Variants in LDB2 observed in about 807,000 individuals in gnomAD.
LDB2 encodes the protein LIM domain-binding protein 2.
LDB2 carries 12 observed loss-of-function variants against 44.3 expected under a neutral mutation model. That is an observed-to-expected ratio of 0.27 (90% CI 0.17 to 0.44). The LOEUF (loss-of-function observed/expected upper bound fraction) is 0.44, where lower values mean the gene tolerates loss of function less well. Among genes scored for constraint, LDB2 ranks in the 20% least tolerant of loss-of-function variants. The probability of loss-of-function intolerance (pLI) is 1.00; values close to 1 mark genes in which losing one functional copy is unlikely to be tolerated. For synonymous variants in LDB2, 164 were observed against 174.8 expected (o/e 0.94, Z 0.49); for missense variants, 344 against 473.5 (o/e 0.73, Z 2.54).
rs115488390 is a variant in LDB2, at chr4:16,669,978, G to A, written c.236-74103C>T. Among the ~76,000 whole-genome samples, 526 of 152,322 alleles carry A rather than the reference G, an allele frequency of 3.5e-3. 3 individuals are homozygous for A. Among genetic ancestry groups the A allele is most frequent in the African/African-American group, 0.012 (510 of 41,574 alleles). ...GAACATAGCCATGCACATTTATTGA[G>A]AAATAATCCATGGCTGCTTTCGTGC... On this transcript the variant is annotated intron_variant, in intron 2 of 7. Transcript: ENST00000304523.
rs765259393 is a variant in LDB2, at chr4:16,582,065, C to T, written c.615+3857G>A. The stretch of plus-strand genomic sequence containing the variant: ...AGGAAGGAAGGAAAAGAAAGTAAGT[C>T]CCTGCAAAGCATATAGCAGCAATGC... On this transcript the variant is annotated intron_variant, in intron 5 of 7. Coordinates refer to ENST00000304523, the MANE Select transcript of LDB2 (RefSeq NM_001290.5). The surrounding 1 kb of genome is among the most constrained non-coding windows in gnomAD (Gnocchi z 4.8). Among the ~76,000 whole-genome samples, 1 of 150,450 alleles carries T rather than the reference C, an allele frequency of 6.6e-6. No individual in the cohort carries two copies. The highest frequency in any genetic ancestry group is 1.5e-5 in the Non-Finnish European group (1 of 67,584).
intron 2 of LDB2, among the ~76,000 whole-genome samples, chr4:16,700,279 A>G (rs283031): frequency 0.51 from 77,094 of 152,036 alleles, 19,810 homozygotes; most frequent in East Asian, 0.78. Flanking sequence ...CAATTCTAAT[A>G]AATGGTCAAC....
chr4:16,749,055 C>T (rs187518431), intron 2 of LDB2, among the ~76,000 whole-genome samples: 1 of 152,302 alleles, frequency 6.6e-6, no homozygotes, highest in African/African-American at 2.4e-5. Flanking sequence ...GGTGTTTCCA[C>T]TGAAATTATA....
chr4:16,508,879 ACT>A (rs980838748), intron 6 of LDB2, among the ~76,000 whole-genome samples, 193 bp from the exon 7 acceptor site: 4 of 151,926 alleles, frequency 2.6e-5, no homozygotes, highest in African/African-American at 9.7e-5. Flanking sequence ...AATATGTGAC[ACT>A]CTTTTCTTTG....
chr4:16,745,753 G>C (rs139010095), intron 2 of LDB2, among the ~76,000 whole-genome samples: 1 of 152,158 alleles, frequency 6.6e-6, no homozygotes, highest in Non-Finnish European at 1.5e-5. Flanking sequence ...CATTTGCCAC[G>C]AAGAACTAAT....
intron 1 of LDB2, among the ~76,000 whole-genome samples, chr4:16,804,100 A>G (rs1486695772): frequency 2.6e-5 from 4 of 152,138 alleles, no homozygotes. Context: ...ATCCATGTAA[A>G]TGTGTAAATT....
At chr4:16,844,674 C>T (rs896578744) in intron 1 of LDB2, among the ~76,000 whole-genome samples, 2 of 152,092 alleles carry the variant, frequency 1.3e-5, no homozygotes, top group East Asian at 1.9e-4. Context: ...CATCTTGTTT[C>T]GTTTGTTTTG....
chr4:16,824,064 T>A (rs1013800836), intron 1 of LDB2, among the ~76,000 whole-genome samples: 82 of 152,200 alleles, frequency 5.4e-4, no homozygotes, highest in Non-Finnish European at 1.9e-4. Context: ...GGCAGGCAAA[T>A]TTAGGAATAA....
intron 1 of LDB2, among the ~76,000 whole-genome samples, chr4:16,863,765 A>G (rs995857203): frequency 1.4e-5 from 2 of 143,284 alleles, no homozygotes; most frequent in African/African-American, 5.3e-5. Context: ...GGTTCACGCC[A>G]TTCTCCTGCC....
At chr4:16,881,411 T>C (rs1447018314) in intron 1 of LDB2, among the ~76,000 whole-genome samples, 1 of 152,206 alleles carries the variant, frequency 6.6e-6, no homozygotes, top group Admixed American at 6.5e-5. Flanking sequence ...GGACTAGCGA[T>C]TGGTAAGTAC....
intron 1 of LDB2, among the ~76,000 whole-genome samples, chr4:16,833,544 C>T (rs1214918855): frequency 2.0e-3 from 255 of 129,828 alleles, no homozygotes; most frequent in Middle Eastern, 8.3e-3. Context: ...ATCTTTTCCT[C>T]TTTTTTTTTT....
intron 1 of LDB2, among the ~76,000 whole-genome samples, chr4:16,827,805 G>A (rs1030823274): frequency 1.3e-5 from 2 of 152,280 alleles, no homozygotes; most frequent in Admixed American, 6.5e-5. Context: ...AAAGATTCAC[G>A]GAAAAGCCTC....
In LDB2 at chr4:16,691,583, G is replaced by A. The variant is rs16893788; in HGVS notation, c.235+67575C>T. Among the ~76,000 whole-genome samples, 629 of 152,274 alleles carry A rather than the reference G, an allele frequency of 4.1e-3. 5 individuals carry two copies. The highest frequency in any genetic ancestry group is 0.03 in the East Asian group (155 of 5,168). On this transcript the variant is annotated intron_variant, in intron 2 of 7. Coordinates refer to ENST00000304523, the MANE Select transcript of LDB2 (RefSeq NM_001290.5). ...ATGGAAGAGCAAACACCATTGTTTC[G>A]TGCATGGAGGAACAGTTCAGTATCT...
chr4:16,695,071 C>T lies in LDB2; in HGVS notation c.235+64087G>A, dbSNP rs116167292. Among the ~76,000 whole-genome samples, 834 of 152,226 alleles carry T rather than the reference C, an allele frequency of 5.5e-3. 4 individuals are homozygous for T. The highest frequency in any genetic ancestry group is 0.019 in the African/African-American group (789 of 41,526). On this transcript the variant is annotated intron_variant, in intron 2 of 7. Transcript: ENST00000304523. ...TTGCAAGTTGCATTTCACAGATTCC[C>T]CTAGCATGGACTTGTAACTTGAGAT... is the stretch of plus-strand genomic sequence containing the variant.
At chr4:16,668,930 A>G (rs1304959621) in intron 2 of LDB2, among the ~76,000 whole-genome samples, 2 of 152,130 alleles carry the variant, frequency 1.3e-5, no homozygotes, top group Non-Finnish European at 2.9e-5. Context: ...CTCTTTTCCA[A>G]TCGCTCCTGC....
chr4:16,528,318 C>T (rs1003982898), intron 5 of LDB2, among the ~76,000 whole-genome samples: 1 of 152,144 alleles, frequency 6.6e-6, no homozygotes, highest in African/African-American at 2.4e-5. Context: ...AAATTTTACT[C>T]ATGTAACCAA....
At chr4:16,678,609 T>G (rs1186555430) in intron 2 of LDB2, among the ~76,000 whole-genome samples, 1 of 152,202 alleles carries the variant, frequency 6.6e-6, no homozygotes, top group East Asian at 1.9e-4. Flanking sequence ...AATCAGCTAT[T>G]TGATAAATTC....
intron 1 of LDB2, among the ~76,000 whole-genome samples, chr4:16,818,429 C>T (rs1314370001): frequency 2.6e-5 from 4 of 152,214 alleles, no homozygotes; most frequent in African/African-American, 9.7e-5. Context: ...TGTGATCATC[C>T]TACTCTGCCA....
chr4:16,512,569 T>C (rs555880234), intron 5 of LDB2, among the ~76,000 whole-genome samples: 8 of 152,366 alleles, frequency 5.3e-5, no homozygotes, highest in African/African-American at 1.9e-4. Flanking sequence ...AATGCTAGTT[T>C]ATGCAGATTG....
Sources: allele counts gnomAD v4.1 joint callset (sites outside exome capture counted in the v4.1 genomes callset), GRCh38; gene constraint gnomAD v4.1.1; non-coding constraint Gnocchi (gnomAD v3.1); transcripts MANE v1.5; gene names NCBI Gene and HGNC (gene_info 2026-07-23, HGNC 2026-07-21).